CNTN1: variants seen among roughly 807,000 people sequenced by gnomAD.
The protein encoded by CNTN1 is contactin-1.
Under a neutral mutation model 126.4 loss-of-function variants are expected in CNTN1, and 38 were observed. The ratio of observed to expected loss-of-function variants is 0.30; its 90% CI spans 0.23 to 0.39. The LOEUF (loss-of-function observed/expected upper bound fraction) is 0.39, where lower values mean the gene tolerates loss of function less well. Ranked by LOEUF, CNTN1 falls within the 10% of genes least tolerant of loss-of-function variation. The pLI, the probability that CNTN1 is intolerant of heterozygous loss-of-function variation, is 1.00. For missense variants in CNTN1, 1,009 were observed against 1,248.4 expected (o/e 0.81, Z 2.89); for synonymous variants, 413 against 422.6 (o/e 0.98, Z 0.28).
intron 1 of CNTN1, among the ~76,000 whole-genome samples, chr12:40,842,085 C>G (rs1942307270): frequency 6.6e-6 from 1 of 151,942 alleles, no homozygotes; most frequent in South Asian, 2.1e-4. Flanking sequence ...AAACCCTAAT[C>G]TAAGTTAAGT....
intron 23 of CNTN1, chr12:41,061,660 T>C (rs1252537650): frequency 2.9e-6 from 1 of 341,344 alleles, no homozygotes; most frequent in Non-Finnish European, 5.8e-6. Flanking sequence ...TATGGCTCAA[T>C]GCTTGATATT....
intron 16 of CNTN1, among the ~76,000 whole-genome samples, chr12:40,988,288 G>A (rs1001999424): frequency 2.6e-5 from 4 of 152,202 alleles, no homozygotes; most frequent in Non-Finnish European, 4.4e-5. Context: ...TTTGTTCTGC[G>A]TACTTACAAA....
In CNTN1 at chr12:40,943,744, T is replaced by A; in HGVS notation, c.1507+20T>A. ...TCACAGGTAAGTTAATGTTTGAGGG[T>A]GCTTAATTTCTAATGTATTAAAAAA... On this transcript the variant is annotated intron_variant, in intron 13 of 23. Transcript: ENST00000551295. 1 of 1,611,684 alleles carries A rather than the reference T, an allele frequency of 6.2e-7. No homozygotes were observed. The highest frequency in any genetic ancestry group is 8.5e-7 in the Non-Finnish European group (1 of 1,178,350).
intron 16 of CNTN1, among the ~76,000 whole-genome samples, chr12:40,984,943 T>G (rs1373101168): frequency 6.6e-6 from 1 of 152,064 alleles, no homozygotes; most frequent in African/African-American, 2.4e-5. Flanking sequence ...AAAATAAGTA[T>G]TTATATCATC....
At chr12:41,052,724 A>C (rs1193298371) in intron 23 of CNTN1, among the ~76,000 whole-genome samples, 1 of 152,114 alleles carries the variant, frequency 6.6e-6, no homozygotes, top group East Asian at 1.9e-4. Flanking sequence ...TAGCAAAAAA[A>C]GTTCTCTAGA....
intron 1 of CNTN1, among the ~76,000 whole-genome samples, chr12:40,847,341 C>T (rs1363889183): frequency 1.3e-5 from 2 of 152,042 alleles, no homozygotes; most frequent in African/African-American, 4.8e-5. Flanking sequence ...GGTCTCATGG[C>T]TTATTAAAGT....
chr12:40,953,506 C>CTT (rs1946761026), intron 14 of CNTN1, among the ~76,000 whole-genome samples: 1 of 152,066 alleles, frequency 6.6e-6, no homozygotes, highest in Non-Finnish European at 1.5e-5. Context: ...GGGAATGATA[C>CTT]TTTATATTTT....
chr12:41,039,190 C>A (rs1039832079), intron 23 of CNTN1, among the ~76,000 whole-genome samples: 5 of 152,240 alleles, frequency 3.3e-5, no homozygotes, highest in African/African-American at 1.2e-4. Context: ...AATAGAGCAT[C>A]TCAACCACTC....
Position 40,944,340 on chromosome 12 carries a change from A to C in CNTN1, c.1683+170A>C, listed in dbSNP as rs142763763. ...CTTATATTAACTGTTGTACTGCTAA[A>C]TCTTTCTAAAATGGCTAGCCCTGAG... On this transcript the variant is annotated intron_variant, in intron 14 of 23. Transcript: ENST00000551295. 2.0e-3 allele frequency among the ~76,000 whole-genome samples: 302 copies of C among 152,176 alleles called. 4 individuals are homozygous for C. The highest frequency in any genetic ancestry group is 6.4e-3 in the African/African-American group (265 of 41,546).
chr12:40,885,254 AC>A (rs763278490), intron 1 of CNTN1, among the ~76,000 whole-genome samples: 28 of 151,996 alleles, frequency 1.8e-4, no homozygotes, highest in Non-Finnish European at 2.8e-4. Context: ...ACAAAGAAGA[AC>A]CTATATGAAG....
At chr12:41,050,297 T>C (rs1358307920) in intron 23 of CNTN1, among the ~76,000 whole-genome samples, 4 of 152,206 alleles carry the variant, frequency 2.6e-5, no homozygotes, top group Non-Finnish European at 5.9e-5. Flanking sequence ...TACCTGAAAC[T>C]GGGTAATTTA....
intron 1 of CNTN1, among the ~76,000 whole-genome samples, chr12:40,807,068 A>G (rs1160241089): frequency 6.6e-6 from 1 of 152,082 alleles, no homozygotes; most frequent in African/African-American, 2.4e-5. Context: ...CAGAATAGTG[A>G]TAATTCATAC....
intron 1 of CNTN1, among the ~76,000 whole-genome samples, chr12:40,869,801 G>T (rs1943424952): frequency 6.6e-6 from 1 of 152,044 alleles, no homozygotes; most frequent in African/African-American, 2.4e-5. Flanking sequence ...TGAAGATATT[G>T]GAATGGAAAT....
chr12:40,752,583 A>T (rs946176727), intron 1 of CNTN1, among the ~76,000 whole-genome samples: 1 of 152,044 alleles, frequency 6.6e-6, no homozygotes, highest in African/African-American at 2.4e-5. Context: ...TGTCAACTTC[A>T]ACTAGTGGTT....
chr12:41,045,319 T>C (rs1214621312), intron 23 of CNTN1, among the ~76,000 whole-genome samples: 1 of 152,144 alleles, frequency 6.6e-6, no homozygotes, highest in Non-Finnish European at 1.5e-5. Context: ...TGAAACATTA[T>C]AGGCTGTGTT....
chr12:40,702,892 T>C (rs376139728), intron 1 of CNTN1, among the ~76,000 whole-genome samples: 1 of 152,234 alleles, frequency 6.6e-6, no homozygotes, highest in African/African-American at 2.4e-5. Flanking sequence ...GTTGGAACTT[T>C]GGGTAATGTT....
chr12:41,002,741 T>G (rs1001656978), intron 17 of CNTN1, among the ~76,000 whole-genome samples: 2 of 151,812 alleles, frequency 1.3e-5, no homozygotes, highest in African/African-American at 4.8e-5. Context: ...GTATTTTTAG[T>G]AGAGATGGGG....
rs77523605 is a variant in CNTN1 at position 40,981,193 on chromosome 12, T to A, written c.1963+126T>A. On this transcript the variant is annotated intron_variant, in intron 16 of 23. Coordinates refer to ENST00000551295, the MANE Select transcript of CNTN1 (RefSeq NM_001843.4). ...GAAAGGCTTTCTTTCTTAAATTTTT[T>A]AAAATGTATTCTAATATTTTGGTAA... 8,498 of 849,310 alleles carry A rather than the reference T, an allele frequency of 0.01. 456 individuals are homozygous for A. The African/African-American group carries it at 0.12, about 12-fold the overall frequency. The allele number at this position is 849,310 out of a possible 1,614,324, so 52.6% of individuals were successfully genotyped here.
intron 1 of CNTN1, among the ~76,000 whole-genome samples, chr12:40,827,659 T>G (rs1941658453): frequency 6.6e-6 from 1 of 152,168 alleles, no homozygotes; most frequent in Non-Finnish European, 1.5e-5. Flanking sequence ...GTATAAACAT[T>G]CTGCAGTATG....
Sources: allele counts gnomAD v4.1 joint callset (sites outside exome capture counted in the v4.1 genomes callset), GRCh38; gene constraint gnomAD v4.1.1; transcripts MANE v1.5; gene names NCBI Gene and HGNC (gene_info 2026-07-23, HGNC 2026-07-21).